GABPA: variants seen among roughly 807,000 people sequenced by gnomAD.
The protein encoded by GABPA is GA-binding protein alpha chain.
A neutral mutation model predicts 59.4 loss-of-function variants in GABPA; 4 were observed. The ratio of observed to expected loss-of-function variants is 0.07; its 90% confidence interval spans 0.03 to 0.15. The LOEUF is 0.15. Among genes scored for constraint, GABPA ranks in the 10% least tolerant of loss-of-function variants. GABPA has a pLI of 1.00. For missense variants in GABPA, 251 were observed against 543.8 expected (o/e 0.46, Z 5.36); for synonymous variants, 164 against 183.1 (o/e 0.90, Z 0.84).
At chr21:25,757,403 T>G (rs1341414686) in intron 5 of GABPA, among the ~76,000 whole-genome samples, 2 of 151,824 alleles carry the variant, frequency 1.3e-5, no homozygotes, top group Non-Finnish European at 2.9e-5. Flanking sequence ...AAGGCACTGT[T>G]AGGTTCTAAA....
At chr21:25,740,116 T>C (rs971110456) in intron 1 of GABPA, among the ~76,000 whole-genome samples, 1 of 152,174 alleles carries the variant, frequency 6.6e-6, no homozygotes, top group Admixed American at 6.5e-5. Flanking sequence ...CCATCTGGAA[T>C]GATACCTACT....
chr21:25,745,433 G>A, intron 3 of GABPA, 79 bp downstream of exon 3: 1 of 1,290,942 alleles, frequency 7.7e-7, no homozygotes, highest in East Asian at 2.3e-5. Flanking sequence ...TTTCTTTATA[G>A]CTATAGACTT....
intron 5 of GABPA, among the ~76,000 whole-genome samples, chr21:25,752,539 G>GC (rs1200465189): frequency 6.6e-6 from 1 of 152,176 alleles, no homozygotes; most frequent in East Asian, 1.9e-4. Flanking sequence ...TTTTTAAACT[G>GC]CCAGTAACTC....
chr21:25,750,394 T>A (rs904927286), intron 4 of GABPA, among the ~76,000 whole-genome samples: 1 of 152,206 alleles, frequency 6.6e-6, no homozygotes, highest in Non-Finnish European at 1.5e-5. Context: ...AATAGAAGGC[T>A]TATACCAGTG....
In GABPA at chr21:25,735,353, A is replaced by C. The variant is rs1238877534; in HGVS notation, c.-252A>C. On this transcript the variant is annotated 5_prime_UTR_variant, in exon 1 of 10. Coordinates refer to ENST00000400075, the MANE Select transcript of GABPA (RefSeq NM_002040.4). ...GTTGCCTTGGGCGGTCGTTTTGCGC[A>C]CCCTGCCGGGAGTTGTAGTCCTGGA... is the stretch of plus-strand genomic sequence containing the variant. 2 of 217,638 alleles carry C rather than the reference A, an allele frequency of 9.2e-6. No homozygotes were observed. The highest frequency in any genetic ancestry group is 9.3e-6 in the Non-Finnish European group (1 of 107,120). 13.5% of individuals were successfully genotyped at this position (217,638 alleles called of 1,614,324 possible).
intron 2 of GABPA, among the ~76,000 whole-genome samples, chr21:25,742,402 G>C (rs2035244835): frequency 6.6e-6 from 1 of 152,178 alleles, no homozygotes; most frequent in South Asian, 2.1e-4. Context: ...CAAAGGTTTA[G>C]AAGTTTCTGC....
chr21:25,743,236 C>T (rs117292179), intron 2 of GABPA, among the ~76,000 whole-genome samples: 10 of 152,304 alleles, frequency 6.6e-5, no homozygotes, highest in East Asian at 1.9e-4. Flanking sequence ...AAGTAGAAAG[C>T]CCCAGTGTCT....
At position 25,735,894 on chromosome 21, in the gene GABPA, C is replaced by T. The variant is rs544492608; in HGVS notation, c.-27+316C>T. On this transcript the variant is annotated intron_variant, in intron 1 of 9. Transcript: ENST00000400075. ...CCTCCTTTCCGCGTCCCCTCCTCGC[C>T]CGTCCGCACTCCTCAGCAGTCTCAG... is the stretch of plus-strand genomic sequence containing the variant. Among the ~76,000 whole-genome samples the T allele has an allele frequency of 2.6e-5, 4 of 152,276 alleles. No individual in the cohort carries two copies. In the South Asian group the frequency reaches 8.3e-4, roughly 32 times the overall value.
In GABPA at chr21:25,755,432, T is replaced by TAA. The variant is rs968729001; in HGVS notation, c.554-2558_554-2557dup. 4.1e-3 allele frequency among the ~76,000 whole-genome samples: 352 copies of TAA among 85,758 alleles called. 1 individual carries two copies. The highest frequency in any genetic ancestry group is 6.2e-3 in the Non-Finnish European group (242 of 39,292). The allele number at this position is 85,758 out of a possible 152,430, so 56.3% of individuals were successfully genotyped here. On this transcript the variant is annotated intron_variant, in intron 5 of 9. Coordinates refer to ENST00000400075, the MANE Select transcript of GABPA (RefSeq NM_002040.4). ...GCCTGGGTGGCAAAGCAAGACTGTC[T>TAA]AAAAAAAAAAAAAAAAAAAAAGGGC...
chr21:25,735,033 A>G lies in GABPA; in HGVS notation c.-572A>G. ...AGACAGTCTGCGACCGGACGGGTCT[A>G]GGTGAGACAGAAGCCAAACAGGAGG... On this transcript the variant is annotated 5_prime_UTR_variant, in exon 1 of 10. Coordinates refer to ENST00000400075, the MANE Select transcript of GABPA (RefSeq NM_002040.4). 6.8e-7 allele frequency: 1 copy of G among 1,473,174 alleles called. No individual in the cohort carries two copies. The highest frequency in any genetic ancestry group is 9.2e-7 in the Non-Finnish European group (1 of 1,083,826). 91.3% of individuals were successfully genotyped at this position (1,473,174 alleles called of 1,614,324 possible).
chr21:25,757,857 T>G (rs2035672899), intron 5 of GABPA, among the ~76,000 whole-genome samples, 153 bp from the exon 6 acceptor site: 1 of 146,932 alleles, frequency 6.8e-6, no homozygotes, highest in South Asian at 2.1e-4. Context: ...TAATTTTTTT[T>G]TTTTTTTTTT....
At chr21:25,752,418 G>A (rs527357468) in intron 5 of GABPA, 184 bp downstream of exon 5, 48 of 658,456 alleles carry the variant, frequency 7.3e-5, no homozygotes, top group Middle Eastern at 4.2e-4. Flanking sequence ...TCTGTCCTGC[G>A]TGCAGGAAAT....
At chr21:25,764,053 T>C (rs1209375449) in intron 7 of GABPA, among the ~76,000 whole-genome samples, 157 bp from the exon 8 acceptor site, 4 of 152,172 alleles carry the variant, frequency 2.6e-5, no homozygotes, top group Non-Finnish European at 5.9e-5. Flanking sequence ...TTTTTTGTTA[T>C]TTTGTTTGAA....
At chr21:25,740,857 T>G (rs1021247415) in intron 1 of GABPA, among the ~76,000 whole-genome samples, 1 of 152,244 alleles carries the variant, frequency 6.6e-6, no homozygotes, top group Non-Finnish European at 1.5e-5. Flanking sequence ...ATTGTATCAG[T>G]GTGATACTTT....
At chr21:25,743,641 T>A (rs974679629) in intron 2 of GABPA, among the ~76,000 whole-genome samples, 100 of 152,046 alleles carry the variant, frequency 6.6e-4, no homozygotes, top group Non-Finnish European at 1.3e-3. Context: ...TCTTCCAAGG[T>A]TTAAATGATA....
In GABPA at chr21:25,749,048, C is replaced by A. The variant is rs762514761; in HGVS notation, c.235C>A (p.Arg79=). 4.7e-5 allele frequency: 75 copies of A among 1,602,198 alleles called. No homozygotes were observed. The highest frequency in any genetic ancestry group is 6.3e-5 in the Non-Finnish European group (74 of 1,169,566). ...CLQDIQLDPE[R]SLFDQGVKTD... is the part of the protein sequence containing the mutation. ...TATCCATGGTTAGCTGGATCCAGAA[C>A]GAAGTTTATTTGACCAAGGAGTAAA... Residue 79 remains arginine (R), a synonymous_variant, in exon 4 of 10, where the codon CGA becomes AGA. Coordinates refer to ENST00000400075, the MANE Select transcript of GABPA (RefSeq NM_002040.4).
chr21:25,762,210 G>A, intron 6 of GABPA, 102 bp from the exon 7 acceptor site: 1 of 616,824 alleles, frequency 1.6e-6, no homozygotes, highest in Non-Finnish European at 2.9e-6. Context: ...TAATTGTGGA[G>A]TTCTTTTTAA....
chr21:25,745,465 C>T, intron 3 of GABPA, 111 bp downstream of exon 3: 3 of 963,314 alleles, frequency 3.1e-6, no homozygotes, highest in Middle Eastern at 2.3e-4. Flanking sequence ...GAAGATTTGA[C>T]CTGTATTACT....
In GABPA at chr21:25,771,555, T is replaced by C. The variant is rs1370826367; in HGVS notation, c.*2323T>C. The C allele has an allele frequency of 1.3e-5, 2 of 151,966 alleles. No homozygotes were observed. The highest frequency in any genetic ancestry group is 4.8e-5 in the African/African-American group (2 of 41,446). 9.4% of individuals were successfully genotyped at this position (151,966 alleles called of 1,614,324 possible). On this transcript the variant is annotated 3_prime_UTR_variant, in exon 10 of 10. Coordinates refer to ENST00000400075, the MANE Select transcript of GABPA (RefSeq NM_002040.4). ...CTCAAATTATATGTAAAATATTTGT[T>C]TTACTTAGGTTACAGTTATCAGAAA...
Sources: gnomAD v4.1 joint callset for allele counts (sites outside exome capture counted in the v4.1 genomes callset) on GRCh38, gnomAD v4.1.1 for gene constraint, MANE v1.5 for transcripts, NCBI Gene and HGNC (gene_info 2026-07-23, HGNC 2026-07-21) for gene names.